Variants in CES5A observed in about 807,000 individuals in gnomAD.
CES5A encodes carboxylesterase 5A.
Under a neutral mutation model 62.9 loss-of-function variants are expected in CES5A, and 67 were observed. The observed-to-expected ratio is 1.07, with a 90% CI of 0.88 to 1.31. The LOEUF is 1.31. CES5A is among the 50% of genes most tolerant of loss of function. The probability of loss-of-function intolerance (pLI) is 0.00; values close to 1 mark genes in which losing one functional copy is unlikely to be tolerated. For missense variants in CES5A, 748 were observed against 708.5 expected (o/e 1.06, Z -0.63); for synonymous variants, 296 against 280.8 (o/e 1.05, Z -0.54).
chr16:55,923,694 C>A (rs183590029), intron 1 of CES5A, among the ~76,000 whole-genome samples: 2 of 151,740 alleles, frequency 1.3e-5, no homozygotes, highest in African/African-American at 2.4e-5. Flanking sequence ...ATATGAAAAT[C>A]AAATACGGAC....
chr16:55,943,541 C>G (rs1051527994), intron 2 of CES5A, among the ~76,000 whole-genome samples: 4 of 152,198 alleles, frequency 2.6e-5, no homozygotes, highest in Admixed American at 1.3e-4. Context: ...CTTTTGCATA[C>G]CAAAATTCTG....
intron 4 of CES5A, among the ~76,000 whole-genome samples, chr16:55,866,702 G>A (rs1341116877): frequency 2.2e-5 from 3 of 134,518 alleles, no homozygotes; most frequent in Non-Finnish European, 5.1e-5. Context: ...GCTGGACACG[G>A]TGGCAGGCGC....
rs572573244 is a variant in CES5A, at chr16:55,937,929, C to T, written c.160+11856G>A. ...TCTATGTGCCAAAAATGTTATCTAC[C>T]CCCTAGTTTGGGATCCTGAGAAATT... On this transcript the variant is annotated intron_variant, in intron 2 of 13. Coordinates refer to the CES5A transcript ENST00000521992. 6.6e-5 allele frequency among the ~76,000 whole-genome samples: 10 copies of T among 152,260 alleles called. No homozygotes were observed. In the East Asian group the frequency reaches 1.7e-3, roughly 26 times the overall value.
At chr16:55,876,122 C>T (rs750770357), upstream of CES5A, among the ~76,000 whole-genome samples, 3 of 152,202 alleles carry the variant, frequency 2.0e-5, no homozygotes, top group Non-Finnish European at 4.4e-5. Flanking sequence ...TTGGAGTACA[C>T]CTAGGACTTT....
intron 1 of CES5A, among the ~76,000 whole-genome samples, chr16:55,908,539 T>C (rs2034062463): frequency 6.6e-6 from 1 of 152,162 alleles, no homozygotes; most frequent in African/African-American, 2.4e-5. Context: ...TTTGTATTTT[T>C]CGTAGAGACA....
At chr16:55,950,891 A>G (rs1028739166) in intron 1 of CES5A, among the ~76,000 whole-genome samples, 1 of 151,930 alleles carries the variant, frequency 6.6e-6, no homozygotes, top group Admixed American at 6.5e-5. Flanking sequence ...TCACGAGGAC[A>G]GGAGATCGAG....
chr16:55,889,166 C>T (rs79244727), intron 1 of CES5A, among the ~76,000 whole-genome samples: 1,682 of 152,126 alleles, frequency 0.011, 61 homozygotes, highest in Admixed American at 0.081. Flanking sequence ...TTTTCCTCTC[C>T]ATTCTCATAC....
At chr16:55,905,304 C>T (rs1412295797) in intron 1 of CES5A, among the ~76,000 whole-genome samples, 4 of 152,024 alleles carry the variant, frequency 2.6e-5, no homozygotes, top group East Asian at 1.9e-4. Context: ...GGGTCCTCTG[C>T]TTCCCAGTTG....
chr16:55,857,286 G>T (rs1354691590), intron 8 of CES5A, among the ~76,000 whole-genome samples: 3 of 152,192 alleles, frequency 2.0e-5, no homozygotes, highest in Non-Finnish European at 2.9e-5. Flanking sequence ...AGAACTGAGC[G>T]AGTTGATATT....
chr16:55,867,393 G>A (rs2033486088), intron 4 of CES5A, among the ~76,000 whole-genome samples: 2 of 152,164 alleles, frequency 1.3e-5, no homozygotes, highest in African/African-American at 4.8e-5. Context: ...GAAACAAGTG[G>A]AAATGCCATA....
At chr16:55,942,082 A>G (rs978308519) in intron 2 of CES5A, among the ~76,000 whole-genome samples, 1 of 152,202 alleles carries the variant, frequency 6.6e-6, no homozygotes, top group Non-Finnish European at 1.5e-5. Context: ...ATAAATTAAG[A>G]CAGATCATAG....
chr16:55,903,650 G>C (rs1337383908), intron 1 of CES5A, among the ~76,000 whole-genome samples: 3 of 152,184 alleles, frequency 2.0e-5, no homozygotes, highest in Non-Finnish European at 2.9e-5. Context: ...AAAAATAAAA[G>C]ACAGTGAGGG....
At chr16:55,955,838 A>G in intron 1 of CES5A, 1 of 1,535,946 alleles carries the variant, frequency 6.5e-7, no homozygotes, top group Non-Finnish European at 8.7e-7. Context: ...TGTGGCTAAT[A>G]CTCACCTTTA....
chr16:55,874,041 C>A lies in CES5A; in HGVS notation c.74-4G>T, dbSNP rs199999538. The A allele has an allele frequency of 6.6e-5, 105 of 1,597,220 alleles. 1 individual carries two copies. The highest frequency in any genetic ancestry group is 5.2e-4 in the East Asian group (23 of 44,382). Reference sequence around the variant, plus strand: ...TGTGGCCCTTCAGCAGAAGGCCCTGCGGGAACACATGGGAGGAATCAGGAG... The same window carrying A: ...TGTGGCCCTTCAGCAGAAGGCCCTGAGGGAACACATGGGAGGAATCAGGAG... On this transcript the variant is annotated splice_polypyrimidine_tract_variant and splice_region_variant and intron_variant, in intron 1 of 12. Transcript: ENST00000290567.
chr16:55,882,914 C>T lies in CES5A; in HGVS notation c.-255-8877G>A, dbSNP rs536672312. ...TGAAGTTGTAAATGTAACATGTGAG[C>T]GTGATGTTCTTGGGACATCCAGGCA... On this transcript the variant is annotated intron_variant, in intron 1 of 12. Coordinates refer to the CES5A transcript ENST00000518005. Among the ~76,000 whole-genome samples the T allele has an allele frequency of 1.2e-3, 184 of 152,298 alleles. 1 individual carries two copies. The highest frequency in any genetic ancestry group is 4.3e-3 in the African/African-American group (177 of 41,564).
chr16:55,893,629 A>G (rs1436814815), intron 1 of CES5A, among the ~76,000 whole-genome samples: 1 of 152,200 alleles, frequency 6.6e-6, no homozygotes, highest in Non-Finnish European at 1.5e-5. Flanking sequence ...CAAAGTCGAA[A>G]ATAATTATTA....
chr16:55,847,995 C>T (rs1045795747), intron 11 of CES5A, among the ~76,000 whole-genome samples: 13 of 152,130 alleles, frequency 8.5e-5, no homozygotes, highest in African/African-American at 2.9e-4. Context: ...CCGCAGCTTC[C>T]AACTCCTGGG....
At chr16:55,927,502 T>C (rs1430177443), upstream of CES5A, among the ~76,000 whole-genome samples, 1 of 152,146 alleles carries the variant, frequency 6.6e-6, no homozygotes. Context: ...TGGCCAACAA[T>C]AGTATGAAAA....
intron 1 of CES5A, among the ~76,000 whole-genome samples, chr16:55,909,559 C>T (rs941368866): frequency 3.0e-5 from 4 of 132,008 alleles, no homozygotes; most frequent in Non-Finnish European, 4.8e-5. Flanking sequence ...CATGTGAGTG[C>T]GTGCGCACGT....
Sources: allele counts gnomAD v4.1 joint callset (sites outside exome capture counted in the v4.1 genomes callset), GRCh38; gene constraint gnomAD v4.1.1; transcripts MANE v1.5; gene names NCBI Gene and HGNC (gene_info 2026-07-23, HGNC 2026-07-21).